The following GDA variants were observed in gnomAD, a reference collection of about 807,000 sequenced individuals.
GDA encodes the protein cytoplasmic PSD-95 interactor.
GDA carries 18 observed loss-of-function variants against 59.6 expected under a neutral mutation model. The observed-to-expected ratio is 0.30, with a 90% CI of 0.21 to 0.45. The LOEUF (loss-of-function observed/expected upper bound fraction) is 0.45, where lower values mean the gene tolerates loss of function less well. Among genes scored for constraint, GDA ranks in the 20% least tolerant of loss-of-function variants. The probability of loss-of-function intolerance (pLI) is 1.00; values close to 1 mark genes in which losing one functional copy is unlikely to be tolerated. For synonymous variants in GDA, 201 were observed against 201.1 expected (o/e 1.00, Z 0.00); for missense variants, 427 against 552.3 (o/e 0.77, Z 2.27).
At chr9:72,169,711 C>T (rs1455971947) in intron 1 of GDA, among the ~76,000 whole-genome samples, 1 of 152,176 alleles carries the variant, frequency 6.6e-6, no homozygotes. Context: ...ACTGGACCAA[C>T]ATTTTGCGTT....
rs1442804970 is a variant in GDA, at chr9:72,202,661, G to A, written c.303G>A (p.Glu101=). Residue 101 remains glutamate, a synonymous_variant, in exon 3 of 14, where the codon GAG becomes GAA. Coordinates refer to ENST00000358399, the MANE Select transcript of GDA (RefSeq NM_004293.5). ...GTAGCATAGACCTGCCACTCTTGGA[G>A]TGGCTGACCAAGTACACATTTCCTG... The part of the protein sequence containing the change: ...AGSSIDLPLL[E]WLTKYTFPAE... 6.2e-7 allele frequency: 1 copy of A among 1,613,376 alleles called. No individual in the cohort carries two copies. The highest frequency in any genetic ancestry group is 1.3e-5 in the African/African-American group (1 of 74,918).
intron 1 of GDA, among the ~76,000 whole-genome samples, chr9:72,186,639 CA>C (rs1454376283): frequency 1.3e-5 from 2 of 152,148 alleles, no homozygotes; most frequent in African/African-American, 2.4e-5. Flanking sequence ...TGAACAAAAG[CA>C]AGACAAAAAT....
intron 1 of GDA, among the ~76,000 whole-genome samples, chr9:72,158,517 C>T (rs747695238): frequency 2.0e-5 from 3 of 151,494 alleles, no homozygotes; most frequent in Non-Finnish European, 4.4e-5. Context: ...CCCTTGAACC[C>T]GGGAGGCAGA....
At chr9:72,258,157 A>G (rs187684069), downstream of GDA, among the ~76,000 whole-genome samples, 1 of 151,684 alleles carries the variant, frequency 6.6e-6, no homozygotes, top group African/African-American at 2.4e-5. Flanking sequence ...ACAAAAAAAT[A>G]AAAAATGTAG....
chr9:72,188,427 A>G (rs759346445), intron 1 of GDA, among the ~76,000 whole-genome samples: 1 of 152,176 alleles, frequency 6.6e-6, no homozygotes, highest in East Asian at 1.9e-4. Flanking sequence ...TGCTCCCACC[A>G]TGGCTCAAGC....
At chr9:72,198,860 T>A (rs1395023696) in intron 2 of GDA, among the ~76,000 whole-genome samples, 1 of 150,470 alleles carries the variant, frequency 6.6e-6, no homozygotes, top group Non-Finnish European at 1.5e-5. Flanking sequence ...TATATATATA[T>A]AAAATTTTTT....
chr9:72,159,276 C>T (rs1048268644), intron 1 of GDA, among the ~76,000 whole-genome samples: 9 of 152,166 alleles, frequency 5.9e-5, no homozygotes, highest in African/African-American at 1.9e-4. Context: ...TGCCTGTAAT[C>T]CCAGCTACTC....
At chr9:72,152,488 G>A (rs1204392884) in intron 1 of GDA, among the ~76,000 whole-genome samples, 1 of 152,150 alleles carries the variant, frequency 6.6e-6, no homozygotes, top group Non-Finnish European at 1.5e-5. Context: ...CATTCTAACT[G>A]GTGTGAGCTG....
intron 6 of GDA, among the ~76,000 whole-genome samples, chr9:72,222,427 A>C (rs1837006013): frequency 6.6e-6 from 1 of 151,906 alleles, no homozygotes; most frequent in African/African-American, 2.4e-5. Flanking sequence ...TTTTTCTTAT[A>C]AATTTGTCTA....
At chr9:72,195,657 A>G in intron 2 of GDA, 69 bp downstream of exon 2, 1 of 538,902 alleles carries the variant, frequency 1.9e-6, no homozygotes. Flanking sequence ...ACCTGCCTTG[A>G]GAGACAGAGA....
At chr9:72,224,708 A>C (rs1837329707) in intron 7 of GDA, among the ~76,000 whole-genome samples, 1 of 152,082 alleles carries the variant, frequency 6.6e-6, no homozygotes, top group Admixed American at 6.6e-5. Context: ...CCGGAGGGGC[A>C]GTGCTTTTAT....
intron 2 of GDA, among the ~76,000 whole-genome samples, chr9:72,201,191 GA>G (rs751913114): frequency 3.8e-3 from 452 of 119,750 alleles, no homozygotes; most frequent in African/African-American, 0.011. Flanking sequence ...GAGTCACACA[GA>G]ATTTTTTTTT....
chr9:72,187,805 G>T (rs1277301074), intron 1 of GDA, among the ~76,000 whole-genome samples: 1 of 152,202 alleles, frequency 6.6e-6, no homozygotes, highest in Non-Finnish European at 1.5e-5. Context: ...CCAGAATGTT[G>T]ATAGAAATAT....
chr9:72,196,758 A>G (rs1223870425), intron 2 of GDA, among the ~76,000 whole-genome samples: 1 of 127,774 alleles, frequency 7.8e-6, no homozygotes, highest in Non-Finnish European at 1.6e-5. Flanking sequence ...CCACCCCCCA[A>G]CAGACCCCGG....
chr9:72,239,607 T>C (rs1280823529), intron 10 of GDA, among the ~76,000 whole-genome samples: 1 of 152,164 alleles, frequency 6.6e-6, no homozygotes, highest in African/African-American at 2.4e-5. Context: ...ATTCCACCTT[T>C]ATTTATATTT....
chr9:72,118,132 CA>C (rs1825523132), intron 1 of GDA, among the ~76,000 whole-genome samples: 1 of 151,644 alleles, frequency 6.6e-6, no homozygotes, highest in Non-Finnish European at 1.5e-5. Context: ...ATTAGGCGGG[CA>C]TGGTGGCAGG....
At chr9:72,230,507 T>A (rs868277036) in intron 9 of GDA, among the ~76,000 whole-genome samples, 6,897 of 146,940 alleles carry the variant, frequency 0.047, 186 homozygotes, top group Middle Eastern at 0.12. Flanking sequence ...AAAAAATATA[T>A]ATATATATAT....
At chr9:72,198,122 G>A (rs909589760) in intron 2 of GDA, among the ~76,000 whole-genome samples, 3 of 152,190 alleles carry the variant, frequency 2.0e-5, no homozygotes, top group Non-Finnish European at 2.9e-5. Flanking sequence ...ATGGCTGGGC[G>A]CGGTGGCTCA....
intron 1 of GDA, among the ~76,000 whole-genome samples, chr9:72,188,342 G>C (rs1019338926): frequency 6.6e-6 from 1 of 152,218 alleles, no homozygotes; most frequent in African/African-American, 2.4e-5. Flanking sequence ...TGGGCTAGGA[G>C]CAACCTACAC....
Sources: allele counts gnomAD v4.1 joint callset (sites outside exome capture counted in the v4.1 genomes callset), GRCh38; gene constraint gnomAD v4.1.1; transcripts MANE v1.5; gene names NCBI Gene and HGNC (gene_info 2026-07-23, HGNC 2026-07-21).